Variants in MRTFA observed in about 807,000 individuals in gnomAD.
MRTFA encodes myocardin-related transcription factor A.
In MRTFA, 20 loss-of-function variants were observed where a neutral mutation model predicts 83.5. The observed-to-expected ratio is 0.24, with a 90% CI of 0.17 to 0.35. The LOEUF is 0.35. Among genes scored for constraint, MRTFA ranks in the 10% least tolerant of loss-of-function variants. MRTFA has a pLI of 1.00. For missense variants in MRTFA, 1,200 were observed against 1,224.7 expected, an observed-to-expected ratio of 0.98 and a Z score of 0.30; for synonymous variants, 659 against 541.2, an observed-to-expected ratio of 1.22 and a Z score of -3.02.
At position 40,455,230 on chromosome 22, in the gene MRTFA, G is replaced by A. The variant is rs527680952; in HGVS notation, c.307+7991C>T. 8.5e-5 allele frequency among the ~76,000 whole-genome samples: 13 copies of A among 152,270 alleles called. 1 individual carries two copies. In the East Asian group the frequency reaches 9.6e-4, roughly 11 times the overall value. On this transcript the variant is annotated intron_variant, in intron 4 of 14. Transcript: ENST00000355630. ...ATTAAAATTCAGTTTTTCAACTCAA[G>A]TATGTTCAACAGCACATGCGGCTAA... is the stretch of plus-strand genomic sequence containing the variant.
intron 3 of MRTFA, among the ~76,000 whole-genome samples, chr22:40,535,502 G>A (rs1180368672): frequency 2.0e-5 from 3 of 151,818 alleles, no homozygotes; most frequent in Non-Finnish European, 4.4e-5. Flanking sequence ...ACAGGCATAT[G>A]CCACCACACC....
intron 2 of MRTFA, among the ~76,000 whole-genome samples, chr22:40,555,843 G>T (rs2055514740): frequency 6.6e-6 from 1 of 151,746 alleles, no homozygotes; most frequent in Non-Finnish European, 1.5e-5. Flanking sequence ...TTTCACCAAT[G>T]TTAGCCAGGA....
intron 3 of MRTFA, among the ~76,000 whole-genome samples, chr22:40,485,698 A>C (rs1271681215): frequency 6.6e-6 from 1 of 152,170 alleles, no homozygotes; most frequent in Non-Finnish European, 1.5e-5. Context: ...GTCTCAATGA[A>C]GACATGGTGG....
chr22:40,536,417 A>G (rs1308469368), intron 3 of MRTFA, among the ~76,000 whole-genome samples: 1 of 149,922 alleles, frequency 6.7e-6, no homozygotes, highest in African/African-American at 2.5e-5. Context: ...GCCGCCCGGG[A>G]GGCAGCGGCT....
At chr22:40,593,092 C>A (rs919279028) in intron 2 of MRTFA, among the ~76,000 whole-genome samples, 4 of 152,148 alleles carry the variant, frequency 2.6e-5, no homozygotes, top group African/African-American at 9.7e-5. Flanking sequence ...AGAGCCTCAA[C>A]TTCCCAAAAC....
intron 3 of MRTFA, among the ~76,000 whole-genome samples, chr22:40,478,575 T>C (rs1426845746): frequency 6.6e-6 from 1 of 152,196 alleles, no homozygotes; most frequent in African/African-American, 2.4e-5. Context: ...CTTTTGCCTA[T>C]GAAACCTCCA....
At chr22:40,456,421 C>T (rs1795175282) in intron 4 of MRTFA, among the ~76,000 whole-genome samples, 1 of 152,214 alleles carries the variant, frequency 6.6e-6, no homozygotes, top group Admixed American at 6.5e-5. Flanking sequence ...GTTGCAGTGG[C>T]TCACGCCTGT....
chr22:40,436,930 T>G (rs933413564), intron 4 of MRTFA, among the ~76,000 whole-genome samples: 6 of 152,078 alleles, frequency 3.9e-5, no homozygotes, highest in African/African-American at 1.4e-4. Flanking sequence ...TTCTTCCTCC[T>G]TCCTCTCCAC....
chr22:40,587,900 G>A lies in MRTFA; in HGVS notation c.-22+6774C>T, dbSNP rs1033365960. On this transcript the variant is annotated intron_variant, in intron 2 of 14. Coordinates refer to ENST00000355630, the MANE Select transcript of MRTFA (RefSeq NM_020831.6). Reference sequence around the variant, plus strand: ...GGTGTGAACAAAGTTCACAATATCTGGTGGAATGGGAGCCTTGAATACAGG... The same window carrying A: ...GGTGTGAACAAAGTTCACAATATCTAGTGGAATGGGAGCCTTGAATACAGG... The A allele has an allele frequency of 5.5e-5, 23 of 418,174 alleles. No individual in the cohort carries two copies. In the East Asian group the frequency reaches 1.0e-3, roughly 18 times the overall value. 25.9% of individuals were successfully genotyped at this position (418,174 alleles called of 1,614,324 possible).
At chr22:40,505,959 C>T (rs1184270481) in intron 3 of MRTFA, among the ~76,000 whole-genome samples, 1 of 152,140 alleles carries the variant, frequency 6.6e-6, no homozygotes, top group African/African-American at 2.4e-5. Context: ...ATTGGCCAGG[C>T]GCGGTGGCTC....
At position 40,421,063 on chromosome 22, in the gene MRTFA, C is replaced by T. The variant is rs1602213703; in HGVS notation, c.965G>A (p.Arg322His). 4 of 1,546,596 alleles carry T rather than the reference C, an allele frequency of 2.6e-6. No individual in the cohort carries two copies. Among genetic ancestry groups the T allele is most frequent in the East Asian group, 2.3e-5 (1 of 43,770 alleles). Reference sequence around the variant, plus strand: ...CTTCAGCTCCTTGGCCTTCTTGCTGCGCTGTGACTTCTCACTGGCAGACTT... The same window carrying T: ...CTTCAGCTCCTTGGCCTTCTTGCTGTGCTGTGACTTCTCACTGGCAGACTT... Residue 322 changes from arginine (R) to histidine (H), a missense_variant, in exon 10 of 15, where the codon CGC becomes CAC. Physicochemically the swap from Arg to His is conservative, Grantham distance 29. Coordinates refer to ENST00000355630, the MANE Select transcript of MRTFA (RefSeq NM_020831.6).
At chr22:40,502,751 G>T in intron 3 of MRTFA, among the ~76,000 whole-genome samples, 1 of 151,712 alleles carries the variant, frequency 6.6e-6, no homozygotes, top group Non-Finnish European at 1.5e-5. Context: ...TTCTCCAGCC[G>T]CTGCCTCCCG....
At chr22:40,468,998 T>C (rs1267536462) in intron 3 of MRTFA, among the ~76,000 whole-genome samples, 3 of 152,230 alleles carry the variant, frequency 2.0e-5, no homozygotes, top group African/African-American at 7.2e-5. Flanking sequence ...ATAGATGTCA[T>C]TTCTGGCATT....
intron 1 of MRTFA, among the ~76,000 whole-genome samples, chr22:40,611,634 C>A (rs1208095242): frequency 6.6e-6 from 1 of 152,158 alleles, no homozygotes. Flanking sequence ...AAAGCTGTTC[C>A]ATGAATTCAG....
At chr22:40,467,202 T>C (rs1032579988) in intron 3 of MRTFA, among the ~76,000 whole-genome samples, 1 of 152,204 alleles carries the variant, frequency 6.6e-6, no homozygotes, top group Non-Finnish European at 1.5e-5. Context: ...TCTTGGGTAC[T>C]GCAATAACCT....
intron 3 of MRTFA, among the ~76,000 whole-genome samples, chr22:40,470,231 T>TTATATA (rs71328709): frequency 0.019 from 865 of 44,906 alleles, 9 homozygotes; most frequent in African/African-American, 0.021. Flanking sequence ...CTCCAAAATT[T>TTATATA]TATATATATA....
intron 14 of MRTFA, among the ~76,000 whole-genome samples, chr22:40,415,730 G>A (rs1263417692): frequency 6.6e-6 from 1 of 151,854 alleles, no homozygotes; most frequent in African/African-American, 2.4e-5. Context: ...CTTCCCCTCT[G>A]CAGGGGAACC....
intron 1 of MRTFA, among the ~76,000 whole-genome samples, chr22:40,630,711 T>C (rs1204799101): frequency 2.0e-5 from 3 of 152,240 alleles, no homozygotes; most frequent in Admixed American, 1.3e-4. Flanking sequence ...TTCTAATTTA[T>C]TTATTTACTT....
At chr22:40,459,822 C>CACATATATAT (rs1308675939) in intron 4 of MRTFA, among the ~76,000 whole-genome samples, 1 of 68,254 alleles carries the variant, frequency 1.5e-5, no homozygotes. Context: ...CACACACACA[C>CACATATATAT]ATATATACAT....
Sources: gnomAD v4.1 joint callset for allele counts (sites outside exome capture counted in the v4.1 genomes callset) on GRCh38, gnomAD v4.1.1 for gene constraint, MANE v1.5 for transcripts, NCBI Gene and HGNC (gene_info 2026-07-23, HGNC 2026-07-21) for gene names.